The following XAF1 variants were observed in gnomAD, a reference collection of about 807,000 sequenced individuals.
XAF1 encodes XIAP-associated factor 1.
A neutral mutation model predicts 32.3 loss-of-function variants in XAF1; 32 were observed. The ratio of observed to expected loss-of-function variants is 0.99; its 90% CI spans 0.75 to 1.33. The LOEUF (loss-of-function observed/expected upper bound fraction) is 1.33, where lower values mean the gene tolerates loss of function less well. Among genes scored for constraint, XAF1 ranks in the 40% most tolerant of loss-of-function variants. The pLI, the probability that XAF1 is intolerant of heterozygous loss-of-function variation, is 0.00. For synonymous variants in XAF1, 120 were observed against 125.9 expected, an observed-to-expected ratio of 0.95 and a Z score of 0.31; for missense variants, 379 against 366.0, an observed-to-expected ratio of 1.04 and a Z score of -0.29.
At chr17:6,756,339 G>A (rs1227076659) in intron 1 of XAF1, 2 of 1,338,172 alleles carry the variant, frequency 1.5e-6, no homozygotes, top group South Asian at 1.6e-5. Flanking sequence ...TCCCCCAAAT[G>A]TTAGGCTTTC....
chr17:6,760,280 G>A lies in XAF1; in HGVS notation c.226-126G>A, dbSNP rs541170214. 3.1e-4 allele frequency: 279 copies of A among 908,944 alleles called. 1 individual carries two copies. The African/African-American group carries it at 4.0e-3, about 13-fold the overall frequency. The allele number at this position is 908,944 out of a possible 1,614,324, so 56.3% of individuals were successfully genotyped here. On this transcript the variant is annotated intron_variant, in intron 3 of 6. Transcript: ENST00000361842. Reference sequence around the variant, plus strand: ...GGAGAATTGCTTGAACCCGGGAGGCGGAGGTTGCAGTGAGCCAAGATCAAG... The same window carrying A: ...GGAGAATTGCTTGAACCCGGGAGGCAGAGGTTGCAGTGAGCCAAGATCAAG...
At chr17:6,766,050 C>G (rs1204954079) in intron 5 of XAF1, among the ~76,000 whole-genome samples, 1 of 152,156 alleles carries the variant, frequency 6.6e-6, no homozygotes, top group Non-Finnish European at 1.5e-5. Flanking sequence ...TTTTCACTGG[C>G]TACTGCCTCT....
chr17:6,766,044 C>T (rs1975608446), intron 5 of XAF1, among the ~76,000 whole-genome samples: 1 of 152,120 alleles, frequency 6.6e-6, no homozygotes, highest in Non-Finnish European at 1.5e-5. Context: ...AGGGCCTTTT[C>T]ACTGGCTACT....
chr17:6,756,298 C>T (rs1974650913), intron 1 of XAF1, 188 bp downstream of exon 1: 1 of 1,377,380 alleles, frequency 7.3e-7, no homozygotes, highest in East Asian at 2.7e-5. Context: ...TGGGGGTGGG[C>T]AGCATTACCT....
chr17:6,757,460 A>C (rs1238531721), intron 1 of XAF1: 1 of 152,226 alleles, frequency 6.6e-6, no homozygotes, highest in Non-Finnish European at 1.5e-5. Flanking sequence ...GAGACTTGGG[A>C]AGCTCTCGCT....
chr17:6,764,675 A>C (rs1975459180), intron 5 of XAF1, among the ~76,000 whole-genome samples: 1 of 152,204 alleles, frequency 6.6e-6, no homozygotes, highest in Admixed American at 6.5e-5. Flanking sequence ...CCAGAAAAAC[A>C]TGAAATACTT....
At chr17:6,769,543 C>G (rs1477150725) in intron 5 of XAF1, among the ~76,000 whole-genome samples, 4 of 151,986 alleles carry the variant, frequency 2.6e-5, no homozygotes, top group Non-Finnish European at 5.9e-5. Flanking sequence ...GTTGCATTAC[C>G]TGAACTTCTT....
At chr17:6,761,837 G>A in intron 4 of XAF1, 1 of 1,375,270 alleles carries the variant, frequency 7.3e-7, no homozygotes, top group African/African-American at 1.4e-5. Flanking sequence ...AGCACAGTCA[G>A]AATGGAGGGG....
At chr17:6,756,291 G>A (rs1974650050) in intron 1 of XAF1, 181 bp downstream of exon 1, 2 of 1,363,892 alleles carry the variant, frequency 1.5e-6, no homozygotes, top group African/African-American at 1.5e-5. Context: ...CTCTGGGTGG[G>A]GGTGGGCAGC....
chr17:6,758,898 T>A (rs1254443349), intron 2 of XAF1: 1 of 200,286 alleles, frequency 5.0e-6, no homozygotes, highest in African/African-American at 2.7e-5. Flanking sequence ...GTGGGTCCAG[T>A]CCTCCCTGCA....
intron 5 of XAF1, among the ~76,000 whole-genome samples, chr17:6,768,243 C>G (rs1334610319): frequency 6.6e-6 from 1 of 152,064 alleles, no homozygotes; most frequent in Non-Finnish European, 1.5e-5. Flanking sequence ...CCTGCCTCAG[C>G]CTCTCAAGTA....
At chr17:6,766,547 C>T (rs565847807) in intron 5 of XAF1, among the ~76,000 whole-genome samples, 1 of 152,312 alleles carries the variant, frequency 6.6e-6, no homozygotes, top group African/African-American at 2.4e-5. Context: ...CAAAGTTCTT[C>T]ATTTCATCCT....
upstream of XAF1, chr17:6,755,807 G>T (rs1974610385): frequency 3.8e-6 from 5 of 1,302,088 alleles, no homozygotes; most frequent in Non-Finnish European, 3.0e-6. Flanking sequence ...GCCCAGGAGA[G>T]GCCTGGCCTC....
intron 5 of XAF1, 104 bp downstream of exon 5, chr17:6,762,344 A>G: frequency 1.1e-6 from 1 of 912,982 alleles, no homozygotes; most frequent in East Asian, 2.6e-5. Context: ...CATAGCATGG[A>G]TATTAAAGGG....
At chr17:6,771,009 A>G in intron 6 of XAF1, 25 bp downstream of exon 6, 3 of 1,610,672 alleles carry the variant, frequency 1.9e-6, no homozygotes, top group Non-Finnish European at 2.5e-6. Context: ...TTCTCTGCTT[A>G]CCTTTCTGGG....
Position 6,757,603 on chromosome 17 carries a change from C to CGAATTATTT in XAF1, c.33-486_33-485insGAATTATTT, listed in dbSNP as rs752741375. 6.0e-5 allele frequency among the ~76,000 whole-genome samples: 9 copies of CGAATTATTT among 149,162 alleles called. No homozygotes were observed. The East Asian group carries it at 1.8e-3, about 30-fold the overall frequency. On this transcript the variant is annotated intron_variant, in intron 1 of 6. Coordinates refer to ENST00000361842, the MANE Select transcript of XAF1 (RefSeq NM_017523.5). Reference sequence around the variant, plus strand: ...ATTCAAGAGAATTTGGCACTTCTCTCAAATTATTTAAATTGAAATAATTTA... The same window carrying CGAATTATTT: ...ATTCAAGAGAATTTGGCACTTCTCTCGAATTATTTAAATTATTTAAATTGAAATAATTTA...
In XAF1 at chr17:6,759,734, G is replaced by C. The variant is rs776704472; in HGVS notation, c.225+16G>C. 1 of 1,613,968 alleles carries C rather than the reference G, an allele frequency of 6.2e-7. No homozygotes were observed. Among genetic ancestry groups the C allele is most frequent in the Non-Finnish European group, 8.5e-7 (1 of 1,180,012 alleles). ...GTTTCATAAGGTAAGAGCCCCATGTGATTTCTCCTTTACAGCCAAATAGAC... is the reference window on the plus strand; with the variant it reads ...GTTTCATAAGGTAAGAGCCCCATGTCATTTCTCCTTTACAGCCAAATAGAC... On this transcript the variant is annotated intron_variant, in intron 3 of 6. Transcript: ENST00000361842.
chr17:6,770,532 C>A, intron 5 of XAF1, 111 bp from the exon 6 acceptor site: 2 of 883,252 alleles, frequency 2.3e-6, no homozygotes, highest in Non-Finnish European at 3.4e-6. Context: ...ATTTTATACA[C>A]CATATAAAAG....
chr17:6,756,353 G>A, intron 1 of XAF1: 2 of 1,283,328 alleles, frequency 1.6e-6, no homozygotes, highest in East Asian at 5.9e-5. Flanking sequence ...GGCTTTCTGG[G>A]ACAGTTCTGA....
Sources: allele counts gnomAD v4.1 joint callset (sites outside exome capture counted in the v4.1 genomes callset), GRCh38; gene constraint gnomAD v4.1.1; transcripts MANE v1.5; gene names NCBI Gene and HGNC (gene_info 2026-07-23, HGNC 2026-07-21).